COP1: variants seen among roughly 807,000 people sequenced by gnomAD.
COP1 encodes the protein COP1 E3 ubiquitin ligase, also known as E3 ubiquitin-protein ligase COP1.
Under a neutral mutation model 101.3 loss-of-function variants are expected in COP1, and 24 were observed. The ratio of observed to expected loss-of-function variants is 0.24; its 90% CI spans 0.17 to 0.33. The LOEUF (loss-of-function observed/expected upper bound fraction) is 0.33. Ranked by LOEUF, COP1 falls within the 10% of genes least tolerant of loss-of-function variation. The pLI is 1.00. For synonymous variants in COP1, 347 were observed against 341.9 expected (o/e 1.01, Z -0.17); for missense variants, 663 against 906.2 (o/e 0.73, Z 3.45).
chr1:176,038,537 G>C (rs1669958449), intron 14 of COP1, among the ~76,000 whole-genome samples: 1 of 152,136 alleles, frequency 6.6e-6, no homozygotes, highest in South Asian at 2.1e-4. Flanking sequence ...AGAAGAGATA[G>C]GGCTGGGCAT....
intron 11 of COP1, among the ~76,000 whole-genome samples, chr1:176,049,027 C>G (rs111859434): frequency 0.059 from 8,987 of 151,130 alleles, 648 homozygotes; most frequent in African/African-American, 0.16. Flanking sequence ...AAAAAATTAG[C>G]CAGGCGCGGT....
chr1:175,974,939 A>AAACC, intron 18 of COP1, among the ~76,000 whole-genome samples: 1 of 151,408 alleles, frequency 6.6e-6, no homozygotes, highest in South Asian at 2.1e-4. Context: ...AAAAAAAAAA[A>AAACC]AAACCCACAA....
chr1:176,117,452 A>C (rs1038080205), intron 8 of COP1, among the ~76,000 whole-genome samples: 1 of 152,150 alleles, frequency 6.6e-6, no homozygotes. Context: ...TAGCATTTCT[A>C]TCTTACCATT....
intron 11 of COP1, among the ~76,000 whole-genome samples, chr1:176,070,703 G>T (rs991745841): frequency 6.6e-6 from 1 of 152,142 alleles, no homozygotes; most frequent in African/African-American, 2.4e-5. Flanking sequence ...CCAGACTGGA[G>T]TGTAGTAGTG....
intron 18 of COP1, among the ~76,000 whole-genome samples, chr1:175,972,374 G>C (rs1159369288): frequency 6.6e-6 from 1 of 152,042 alleles, no homozygotes; most frequent in African/African-American, 2.4e-5. Flanking sequence ...GCTAGTGAGA[G>C]GGAAGTGAGG....
chr1:176,060,534 G>T (rs1674658609), intron 11 of COP1, among the ~76,000 whole-genome samples: 1 of 152,086 alleles, frequency 6.6e-6, no homozygotes, highest in Non-Finnish European at 1.5e-5. Context: ...ATCATATGAA[G>T]CTAAAATTTC....
rs1205718944 is a variant in COP1, at chr1:176,175,959, C to T, written c.516G>A (p.Lys172=). 6 of 1,593,078 alleles carry T rather than the reference C, an allele frequency of 3.8e-6. No homozygotes were observed. In the Admixed American group the frequency reaches 8.4e-5, roughly 22 times the overall value. ...QSLEDNNRCP[K]CNYVVDNIDH... is the part of the protein sequence containing the mutation. ...CAATATTGTCCACAACATAGTTACA[C>T]TTGGGACATCTATTATTGTCCTCCA... Residue 172 remains lysine, a synonymous_variant, in exon 3 of 20, where the codon AAG becomes AAA. Transcript: ENST00000367669.
intron 5 of COP1, among the ~76,000 whole-genome samples, chr1:176,158,045 T>C (rs1693731026): frequency 6.6e-6 from 1 of 150,624 alleles, no homozygotes; most frequent in African/African-American, 2.4e-5. Context: ...AAACTATAAA[T>C]CTACAGATCT....
intron 8 of COP1, among the ~76,000 whole-genome samples, chr1:176,117,220 A>G (rs1686341953): frequency 6.6e-6 from 1 of 152,146 alleles, no homozygotes; most frequent in East Asian, 1.9e-4. Flanking sequence ...TTATAATCAA[A>G]CCTCATGTGA....
At chr1:176,112,786 C>A (rs1484881509) in intron 9 of COP1, among the ~76,000 whole-genome samples, 1 of 151,948 alleles carries the variant, frequency 6.6e-6, no homozygotes, top group African/African-American at 2.4e-5. Flanking sequence ...TTTTTGGCTC[C>A]CATTTAAGAA....
chr1:176,157,207 C>T (rs1440948417), intron 5 of COP1, among the ~76,000 whole-genome samples: 3 of 151,788 alleles, frequency 2.0e-5, no homozygotes, highest in African/African-American at 7.3e-5. Flanking sequence ...AAAATAATAA[C>T]AACAACAATA....
At chr1:176,133,388 T>C (rs1486249484) in intron 8 of COP1, among the ~76,000 whole-genome samples, 2 of 151,854 alleles carry the variant, frequency 1.3e-5, no homozygotes, top group Admixed American at 1.3e-4. Context: ...ATATATTAGG[T>C]CTCTTTATGT....
intron 11 of COP1, among the ~76,000 whole-genome samples, chr1:176,064,977 C>T (rs1675658038): frequency 6.6e-6 from 1 of 152,224 alleles, no homozygotes; most frequent in African/African-American, 2.4e-5. Context: ...TGCCGTTTAA[C>T]CTACCTATTG....
At chr1:176,091,449 G>A (rs995194939) in intron 9 of COP1, among the ~76,000 whole-genome samples, 1 of 151,930 alleles carries the variant, frequency 6.6e-6, no homozygotes, top group Admixed American at 6.6e-5. Flanking sequence ...AGAGAGCAAG[G>A]AAACGAGCAA....
intron 18 of COP1, among the ~76,000 whole-genome samples, chr1:175,977,740 C>T (rs1371934996): frequency 6.6e-6 from 1 of 152,046 alleles, no homozygotes; most frequent in African/African-American, 2.4e-5. Flanking sequence ...TAAGCAACTG[C>T]CATCCATTTT....
At chr1:176,073,955 T>C (rs1677475979) in intron 11 of COP1, among the ~76,000 whole-genome samples, 1 of 152,070 alleles carries the variant, frequency 6.6e-6, no homozygotes, top group East Asian at 1.9e-4. Flanking sequence ...GCCTCTTTGT[T>C]TGAGACAGAG....
chr1:176,178,985 GT>G lies in COP1; in HGVS notation c.468-2979del, dbSNP rs1239541284. On this transcript the variant is annotated intron_variant, in intron 2 of 19. Transcript: ENST00000367669. ...AGGTCAGGAGAATTTTTTTTTTTTA[GT>G]TTTTTTTTTTAAAAAAAGACAAGGC... is the stretch of plus-strand genomic sequence containing the variant. Among the ~76,000 whole-genome samples the G allele has an allele frequency of 2.8e-3, 413 of 146,660 alleles. 3 individuals carry two copies. The highest frequency in any genetic ancestry group is 9.4e-3 in the African/African-American group (376 of 40,188).
intron 15 of COP1, among the ~76,000 whole-genome samples, chr1:176,005,058 A>G (rs1056108210): frequency 1.3e-5 from 2 of 152,068 alleles, no homozygotes; most frequent in African/African-American, 4.8e-5. Context: ...CAGAGATTCA[A>G]TTTCTTCCTG....
intron 15 of COP1, among the ~76,000 whole-genome samples, chr1:176,015,262 T>C (rs773206608): frequency 4.6e-5 from 7 of 152,168 alleles, no homozygotes; most frequent in Non-Finnish European, 1.0e-4. Context: ...CTGCTGTCTG[T>C]AGAACAAACT....
Sources: allele counts gnomAD v4.1 joint callset (sites outside exome capture counted in the v4.1 genomes callset), GRCh38; gene constraint gnomAD v4.1.1; transcripts MANE v1.5; gene names NCBI Gene and HGNC (gene_info 2026-07-23, HGNC 2026-07-21).